Variants in MARCHF1 observed in about 807,000 individuals in gnomAD.
MARCHF1 encodes the protein membrane associated ring-CH-type finger 1.
MARCHF1 carries 40 observed loss-of-function variants against 54.2 expected under a neutral mutation model. The ratio of observed to expected loss-of-function variants is 0.74; its 90% CI spans 0.57 to 0.96. The LOEUF is 0.96. Ranked by LOEUF, MARCHF1 falls within the 40% of genes least tolerant of loss-of-function variation. MARCHF1 has a pLI of 0.00. For missense variants in MARCHF1, 586 were observed against 656.5 expected (o/e 0.89, Z 1.17); for synonymous variants, 236 against 236.3 (o/e 1.00, Z 0.01).
intron 1 of MARCHF1, among the ~76,000 whole-genome samples, chr4:164,258,947 T>C (rs1406978744): frequency 6.6e-6 from 1 of 151,952 alleles, no homozygotes; most frequent in Non-Finnish European, 1.5e-5. Flanking sequence ...ATCAAACATA[T>C]ATTATAGTAA....
chr4:163,885,906 A>AAT (rs1331369532), intron 3 of MARCHF1, among the ~76,000 whole-genome samples: 3 of 149,470 alleles, frequency 2.0e-5, no homozygotes, highest in South Asian at 4.2e-4. Context: ...ACCCGTCTCT[A>AAT]ATATATATAT....
intron 4 of MARCHF1, among the ~76,000 whole-genome samples, chr4:163,738,024 T>A (rs28636066): frequency 1.3e-5 from 2 of 152,116 alleles, no homozygotes; most frequent in African/African-American, 2.4e-5. Context: ...TTAGGCTTCC[T>A]GGTGGTCTGG....
intron 5 of MARCHF1, among the ~76,000 whole-genome samples, chr4:163,636,174 A>T (rs941691316): frequency 2.6e-5 from 4 of 152,184 alleles, no homozygotes; most frequent in African/African-American, 9.7e-5. Context: ...ATTCCGTTTG[A>T]AAACCGGCAC....
chr4:163,831,323 C>A (rs1282980203), intron 4 of MARCHF1, among the ~76,000 whole-genome samples: 1 of 152,096 alleles, frequency 6.6e-6, no homozygotes, highest in East Asian at 1.9e-4. Context: ...GTGGCTGACG[C>A]CTATAATCCC....
At chr4:163,628,757 GACAA>G (rs1214149444) in intron 5 of MARCHF1, among the ~76,000 whole-genome samples, 3 of 152,080 alleles carry the variant, frequency 2.0e-5, no homozygotes, top group African/African-American at 4.8e-5. Context: ...ATCAATAACA[GACAA>G]ACAGAGAGAG....
At chr4:163,750,910 A>C (rs2110778586) in intron 4 of MARCHF1, among the ~76,000 whole-genome samples, 1 of 150,948 alleles carries the variant, frequency 6.6e-6, no homozygotes, top group South Asian at 2.1e-4. Context: ...TAACAAATTC[A>C]AGAATAAAAT....
intron 2 of MARCHF1, among the ~76,000 whole-genome samples, chr4:164,016,289 G>C (rs1346808653): frequency 6.6e-6 from 1 of 151,998 alleles, no homozygotes; most frequent in Non-Finnish European, 1.5e-5. Context: ...GGAAGCGAAG[G>C]GGGAAGAGCC....
At chr4:164,377,392 T>C (rs139110489) in intron 1 of MARCHF1, among the ~76,000 whole-genome samples, 1 of 152,348 alleles carries the variant, frequency 6.6e-6, no homozygotes, top group East Asian at 1.9e-4. Flanking sequence ...AACACTATTG[T>C]ATGTATTTCA....
intron 9 of MARCHF1, chr4:163,529,682 C>T (rs1170895336): frequency 6.6e-6 from 1 of 152,100 alleles, no homozygotes; most frequent in Non-Finnish European, 1.5e-5. Flanking sequence ...AGAACCATCA[C>T]ACTTTTATAG....
chr4:163,979,864 G>C (rs1402330214), intron 3 of MARCHF1, among the ~76,000 whole-genome samples: 1 of 151,806 alleles, frequency 6.6e-6, no homozygotes, highest in African/African-American at 2.4e-5. Context: ...CTTTTTGATG[G>C]GGTTGTTTGT....
chr4:164,116,362 G>T (rs1279171862), intron 1 of MARCHF1, among the ~76,000 whole-genome samples: 1 of 151,970 alleles, frequency 6.6e-6, no homozygotes, highest in African/African-American at 2.4e-5. Context: ...TTCATAAAGG[G>T]CAAATAACTA....
chr4:164,094,179 G>A (rs1386477889), intron 2 of MARCHF1, among the ~76,000 whole-genome samples: 1 of 152,062 alleles, frequency 6.6e-6, no homozygotes, highest in Non-Finnish European at 1.5e-5. Context: ...AAATAAAAAG[G>A]GCTGAACTGT....
intron 5 of MARCHF1, among the ~76,000 whole-genome samples, chr4:163,697,914 T>C (rs1008972033): frequency 6.6e-6 from 1 of 152,224 alleles, no homozygotes; most frequent in Non-Finnish European, 1.5e-5. Context: ...GCATATATTA[T>C]AGACCATGTT....
At chr4:163,759,703 T>C (rs9995703) in intron 4 of MARCHF1, among the ~76,000 whole-genome samples, 3,701 of 152,296 alleles carry the variant, frequency 0.024, 146 homozygotes, top group African/African-American at 0.083. Context: ...GTTAATTTAT[T>C]TTTTCTTCTT....
rs1173843968 is a variant in MARCHF1, at chr4:163,744,900, T to G, written c.112-44037A>C. Reference sequence around the variant, plus strand: ...AATATAATATAGAAATTATGAAAAATAGACCTTAAGTCCATATACATTTTT... The same window carrying G: ...AATATAATATAGAAATTATGAAAAAGAGACCTTAAGTCCATATACATTTTT... On this transcript the variant is annotated intron_variant, in intron 4 of 9. Coordinates refer to ENST00000514618, the MANE Select transcript of MARCHF1 (RefSeq NM_001394959.1). 2.0e-5 allele frequency among the ~76,000 whole-genome samples: 3 copies of G among 151,966 alleles called. No homozygotes were observed. The East Asian group carries it at 5.8e-4, about 29-fold the overall frequency.
chr4:163,845,596 C>T (rs961044520), intron 4 of MARCHF1, among the ~76,000 whole-genome samples: 1 of 152,072 alleles, frequency 6.6e-6, no homozygotes, highest in African/African-American at 2.4e-5. Flanking sequence ...ACACTATACA[C>T]ACATAGCAGA....
intron 3 of MARCHF1, among the ~76,000 whole-genome samples, chr4:163,935,702 C>CTTTTTTTTTTT (rs34331599): frequency 4.8e-5 from 6 of 125,750 alleles, no homozygotes; most frequent in African/African-American, 1.1e-4. Flanking sequence ...TGCTTGCTTT[C>CTTTTTTTTTTT]TTTTTTTTTT....
At chr4:163,887,467 C>A (rs1395747923) in intron 3 of MARCHF1, among the ~76,000 whole-genome samples, 1 of 152,064 alleles carries the variant, frequency 6.6e-6, no homozygotes, top group Non-Finnish European at 1.5e-5. Flanking sequence ...TGTTCAGGGA[C>A]CAGCAGCACC....
At chr4:163,563,248 C>A (rs1739530608) in intron 8 of MARCHF1, among the ~76,000 whole-genome samples, 1 of 152,152 alleles carries the variant, frequency 6.6e-6, no homozygotes, top group African/African-American at 2.4e-5. Context: ...TAACTTAATT[C>A]TCACAACCTT....
Sources: gnomAD v4.1 joint callset for allele counts (sites outside exome capture counted in the v4.1 genomes callset) on GRCh38, gnomAD v4.1.1 for gene constraint, MANE v1.5 for transcripts, NCBI Gene and HGNC (gene_info 2026-07-23, HGNC 2026-07-21) for gene names.